DYM: variants seen among roughly 807,000 people sequenced by gnomAD.
DYM encodes the protein dymeclin.
In DYM, 78 loss-of-function variants were observed where a neutral mutation model predicts 93.1. The observed-to-expected ratio is 0.84, with a 90% confidence interval of 0.70 to 1.01. The LOEUF is 1.01. Among genes scored for constraint, DYM ranks in the 50% least tolerant of loss-of-function variants. The pLI, the probability that DYM is intolerant of heterozygous loss-of-function variation, is 0.00. For missense variants in DYM, 789 were observed against 845.0 expected (o/e 0.93, Z 0.82); for synonymous variants, 321 against 319.7 (o/e 1.00, Z -0.04).
chr18:49,375,271 A>C (rs946320351), intron 5 of DYM, among the ~76,000 whole-genome samples: 5 of 151,226 alleles, frequency 3.3e-5, no homozygotes, highest in Admixed American at 3.3e-4. Context: ...AAATATATAT[A>C]TATAAACATA....
chr18:49,207,681 G>C (rs918978910), intron 14 of DYM, among the ~76,000 whole-genome samples: 1 of 152,142 alleles, frequency 6.6e-6, no homozygotes, highest in Non-Finnish European at 1.5e-5. Context: ...CTTGTCTGAC[G>C]GCCTGCCCTG....
At chr18:49,094,988 T>C (rs1366076324) in intron 17 of DYM, among the ~76,000 whole-genome samples, 4 of 152,216 alleles carry the variant, frequency 2.6e-5, no homozygotes. Flanking sequence ...AATTAGTATA[T>C]ATTATTCCAC....
At position 49,039,061 on chromosome 18, in the gene DYM, T is replaced by C. The variant is rs190807910; in HGVS notation, c.*4994A>G. Among the ~76,000 whole-genome samples, 220 of 152,374 alleles carry C rather than the reference T, an allele frequency of 1.4e-3. 1 individual carries two copies. Among genetic ancestry groups the C allele is most frequent in the Admixed American group, 9.1e-4 (14 of 15,302 alleles). ...CTTACGTTTGGGATTATTTTCCTTC[T>C]GCCTGTAAAACACCTTTTAAATTTT... On this transcript the variant is annotated 3_prime_UTR_variant, in exon 18 of 18. Transcript: ENST00000675505.
At chr18:49,295,850 G>A (rs1319772398) in intron 8 of DYM, among the ~76,000 whole-genome samples, 1 of 151,696 alleles carries the variant, frequency 6.6e-6, no homozygotes, top group Non-Finnish European at 1.5e-5. Flanking sequence ...AAATACACAG[G>A]TATTCCATGT....
chr18:49,141,614 G>A (rs2084506583), intron 15 of DYM, among the ~76,000 whole-genome samples: 1 of 152,022 alleles, frequency 6.6e-6, no homozygotes, highest in South Asian at 2.1e-4. Flanking sequence ...TCATCATCAG[G>A]TCTCAGTTAA....
At chr18:49,071,003 T>C (rs2076839004) in intron 17 of DYM, among the ~76,000 whole-genome samples, 2 of 152,334 alleles carry the variant, frequency 1.3e-5, no homozygotes, top group South Asian at 2.1e-4. Flanking sequence ...GGCTGTATGG[T>C]GGAATGTGCA....
intron 14 of DYM, among the ~76,000 whole-genome samples, chr18:49,198,446 C>T (rs1173326192): frequency 6.6e-6 from 1 of 152,136 alleles, no homozygotes; most frequent in African/African-American, 2.4e-5. Flanking sequence ...GAACAGGCAA[C>T]CTACAGAATG....
At chr18:49,126,732 C>T (rs902747463) in intron 15 of DYM, among the ~76,000 whole-genome samples, 3 of 151,912 alleles carry the variant, frequency 2.0e-5, no homozygotes, top group African/African-American at 4.8e-5. Flanking sequence ...ATGGTAAGCA[C>T]TATGTGAGTG....
At chr18:49,077,931 T>C (rs535359500) in intron 17 of DYM, among the ~76,000 whole-genome samples, 1 of 152,366 alleles carries the variant, frequency 6.6e-6, no homozygotes, top group Admixed American at 6.5e-5. Flanking sequence ...TTTGGTCCAT[T>C]AACATTCCAT....
intron 1 of DYM, among the ~76,000 whole-genome samples, chr18:49,439,351 T>C (rs182229296): frequency 6.6e-6 from 1 of 152,204 alleles, no homozygotes; most frequent in Non-Finnish European, 1.5e-5. Flanking sequence ...TCTTAACATG[T>C]GCAAAACTGA....
intron 6 of DYM, among the ~76,000 whole-genome samples, chr18:49,334,966 G>T (rs973405007): frequency 6.6e-6 from 1 of 152,154 alleles, no homozygotes; most frequent in South Asian, 2.1e-4. Context: ...AATTAGCTGG[G>T]CATGGTGGCG....
At chr18:49,305,471 C>CT (rs1490048545) in intron 8 of DYM, among the ~76,000 whole-genome samples, 1 of 152,190 alleles carries the variant, frequency 6.6e-6, no homozygotes, top group African/African-American at 2.4e-5. Context: ...ACTCTTACCT[C>CT]TTTGTAACTG....
At chr18:49,392,229 T>C (rs1380648676) in intron 2 of DYM, among the ~76,000 whole-genome samples, 1 of 151,994 alleles carries the variant, frequency 6.6e-6, no homozygotes, top group Non-Finnish European at 1.5e-5. Context: ...GAGGCACAGA[T>C]AGACAGAGAC....
At position 49,286,448 on chromosome 18, in the gene DYM, A is replaced by G; in HGVS notation, c.932T>C (p.Phe311Ser). The change falls in exon 9 of 18, where the codon TTC (phenylalanine) becomes TCC (serine). Residue 311 changes from phenylalanine (F) to serine (S), a missense_variant. Phe to Ser is a radical substitution (Grantham distance 155). Coordinates refer to ENST00000675505, the MANE Select transcript of DYM (RefSeq NM_001353214.3). Reference sequence around the variant, plus strand: ...ATACCACAAACCTTGTGTGTTCTTGAAGGACATAATGGCTTGTCTGTAGGG... The same window carrying G: ...ATACCACAAACCTTGTGTGTTCTTGGAGGACATAATGGCTTGTCTGTAGGG... ...PNPYRQAIMSFKNTQDSSPFP... is the reference protein window; with the variant it reads ...PNPYRQAIMSSKNTQDSSPFP... The G allele has an allele frequency of 6.2e-7, 1 of 1,614,184 alleles. No individual in the cohort carries two copies. The highest frequency in any genetic ancestry group is 8.5e-7 in the Non-Finnish European group (1 of 1,179,986).
chr18:49,100,554 C>T (rs944904770), intron 16 of DYM, among the ~76,000 whole-genome samples: 1 of 152,154 alleles, frequency 6.6e-6, no homozygotes, highest in African/African-American at 2.4e-5. Context: ...CAAACTGGTT[C>T]TCATTTGTAT....
At chr18:49,317,615 C>CT (rs1414593874) in intron 8 of DYM, among the ~76,000 whole-genome samples, 9 of 31,788 alleles carry the variant, frequency 2.8e-4, no homozygotes, top group African/African-American at 9.1e-4. Flanking sequence ...CCCCCTCCCT[C>CT]CCTCCCTCCC....
chr18:49,197,912 C>T (rs942014762), intron 14 of DYM, among the ~76,000 whole-genome samples: 11 of 152,160 alleles, frequency 7.2e-5, no homozygotes, highest in Middle Eastern at 3.2e-3. Flanking sequence ...AAAAAGAGCC[C>T]GCATCGCCAA....
chr18:49,185,041 C>CTG (rs551411921), intron 14 of DYM, among the ~76,000 whole-genome samples: 6 of 151,898 alleles, frequency 4.0e-5, no homozygotes, highest in South Asian at 2.1e-4. Context: ...CCTGAAGATG[C>CTG]TGTGTGTGTG....
Position 49,143,752 on chromosome 18 carries a change from T to G in DYM, c.1728+19933A>C, listed in dbSNP as rs536445964. On this transcript the variant is annotated intron_variant, in intron 15 of 17. Coordinates refer to ENST00000675505, the MANE Select transcript of DYM (RefSeq NM_001353214.3). ...ATACGCTGTATAACCTCTGTAACTTTCTTTATCGAGAAATTTCAAATATAT... is the reference window on the plus strand; with the variant it reads ...ATACGCTGTATAACCTCTGTAACTTGCTTTATCGAGAAATTTCAAATATAT... Among the ~76,000 whole-genome samples the G allele has an allele frequency of 2.6e-5, 4 of 152,276 alleles. No individual in the cohort carries two copies. The East Asian group carries it at 7.7e-4, about 29-fold the overall frequency.
Sources: gnomAD v4.1 joint callset for allele counts (sites outside exome capture counted in the v4.1 genomes callset) on GRCh38, gnomAD v4.1.1 for gene constraint, MANE v1.5 for transcripts, NCBI Gene and HGNC (gene_info 2026-07-23, HGNC 2026-07-21) for gene names.